The following GVQW3 variants were observed in gnomAD, a reference collection of about 807,000 sequenced individuals.
GVQW3 encodes the protein GVQW motif containing 3.
Under a neutral mutation model 12.5 loss-of-function variants are expected in GVQW3, and 7 were observed. The ratio of observed to expected loss-of-function variants is 0.56; its 90% CI spans 0.32 to 1.05. The LOEUF is 1.05. GVQW3 is among the 50% of genes least tolerant of loss of function. GVQW3 has a pLI of 0.04. For missense variants in GVQW3, 188 were observed against 190.8 expected (o/e 0.99, Z 0.09); for synonymous variants, 71 against 67.2 (o/e 1.06, Z -0.28).
At chr11:76,396,800 A>C (rs999843621) in intron 1 of GVQW3, among the ~76,000 whole-genome samples, 2 of 152,020 alleles carry the variant, frequency 1.3e-5, no homozygotes, top group African/African-American at 4.8e-5. Flanking sequence ...CCACAAGGAA[A>C]CCCCCTACCC....
chr11:76,403,002 C>T (rs1590824672), intron 1 of GVQW3, among the ~76,000 whole-genome samples: 1 of 152,212 alleles, frequency 6.6e-6, no homozygotes, highest in South Asian at 2.1e-4. Flanking sequence ...GGCTGGAGTG[C>T]AGTGGCGCAA....
At chr11:76,411,515 A>G (rs1165115052), downstream of GVQW3, 1 of 152,278 alleles carries the variant, frequency 6.6e-6, no homozygotes, top group Non-Finnish European at 1.5e-5. Flanking sequence ...TGATGGAGAA[A>G]GCAGGGTCTC....
intron 1 of GVQW3, chr11:76,383,689 G>A (rs916992009): frequency 6.6e-6 from 1 of 152,140 alleles, no homozygotes; most frequent in African/African-American, 2.4e-5. Flanking sequence ...TGAGGCAGGA[G>A]AATCTGTTGA....
chr11:76,398,341 T>C (rs1946958601), intron 1 of GVQW3, among the ~76,000 whole-genome samples: 1 of 152,152 alleles, frequency 6.6e-6, no homozygotes, highest in Admixed American at 6.5e-5. Context: ...TCTCACTTTG[T>C]AGCCCAAGCT....
Position 76,403,874 on chromosome 11 carries a change from T to C in GVQW3, c.*116T>C. 1.4e-6 allele frequency: 1 copy of C among 700,730 alleles called. No homozygotes were observed. Among genetic ancestry groups the C allele is most frequent in the Non-Finnish European group, 2.6e-6 (1 of 383,716 alleles). 43.4% of individuals were successfully genotyped at this position (700,730 alleles called of 1,614,324 possible). ...GGCAGGAGAAGATGGATGTCACAGC[T>C]CAAGAAGCGAGAACAAATTTGCCCT... On this transcript the variant is annotated 3_prime_UTR_variant, in exon 2 of 2. Coordinates refer to ENST00000529331, the MANE Select transcript of GVQW3 (RefSeq NM_001347885.2).
At chr11:76,394,774 T>C (rs1375474291) in intron 1 of GVQW3, among the ~76,000 whole-genome samples, 1 of 152,256 alleles carries the variant, frequency 6.6e-6, no homozygotes, top group Non-Finnish European at 1.5e-5. Flanking sequence ...CAAACTGTTC[T>C]CTGTAGTGGA....
At position 76,389,827 on chromosome 11, in the gene GVQW3, C is replaced by T. The variant is rs575549642; in HGVS notation, c.465+7534C>T. 3.9e-5 allele frequency: 6 copies of T among 152,310 alleles called. No homozygotes were observed. The South Asian group carries it at 1.0e-3, about 26-fold the overall frequency. 9.4% of individuals were successfully genotyped at this position (152,310 alleles called of 1,614,324 possible). On this transcript the variant is annotated intron_variant, in intron 1 of 1. Transcript: ENST00000529331. Reference sequence around the variant, plus strand: ...TTTCGATGTGCCAAGTCTACCTCCTCCCATACTGGGACACTCAAGCAACAC... The same window carrying T: ...TTTCGATGTGCCAAGTCTACCTCCTTCCATACTGGGACACTCAAGCAACAC...
rs936177093 is a variant in GVQW3 at position 76,407,163 on chromosome 11, G to T, written c.*3405G>T. On this transcript the variant is annotated 3_prime_UTR_variant, in exon 2 of 2. Coordinates refer to ENST00000529331, the MANE Select transcript of GVQW3 (RefSeq NM_001347885.2). ...GTGAGACATTATGAAAAGGATGCTG[G>T]ACTTGGTAAAGATACAAATGGGCTT... 5 of 152,154 alleles carry T rather than the reference G, an allele frequency of 3.3e-5. No homozygotes were observed. The highest frequency in any genetic ancestry group is 5.9e-5 in the Non-Finnish European group (4 of 68,018). 9.4% of individuals were successfully genotyped at this position (152,154 alleles called of 1,614,324 possible). A position where few individuals can be genotyped will look rare whatever the true frequency, so the allele number is the denominator to read the frequency against.
At chr11:76,394,488 A>G (rs528894146) in intron 1 of GVQW3, among the ~76,000 whole-genome samples, 1 of 152,296 alleles carries the variant, frequency 6.6e-6, no homozygotes, top group Non-Finnish European at 1.5e-5. Context: ...AATGACCTTC[A>G]GTTCTATCCA....
intron 1 of GVQW3, among the ~76,000 whole-genome samples, chr11:76,386,298 T>C (rs1398289957): frequency 6.6e-6 from 1 of 152,230 alleles, no homozygotes; most frequent in Non-Finnish European, 1.5e-5. Context: ...GAATAAAATG[T>C]TCACCAAATC....
chr11:76,389,184 G>A (rs796160257), intron 1 of GVQW3, among the ~76,000 whole-genome samples: 60 of 152,318 alleles, frequency 3.9e-4, no homozygotes, highest in African/African-American at 1.4e-3. Context: ...TGCTTATAGT[G>A]TTAAGTGAAA....
Position 76,406,799 on chromosome 11 carries a change from G to C in GVQW3, c.*3041G>C, listed in dbSNP as rs1947043383. On this transcript the variant is annotated 3_prime_UTR_variant, in exon 2 of 2. Transcript: ENST00000529331. ...CAAGGCGGGTCGATCACGAAGTCAG[G>C]AGATCGAGACCAACCTGGCTAACAC... 6.6e-6 allele frequency: 1 copy of C among 152,192 alleles called. No homozygotes were observed. The highest frequency in any genetic ancestry group is 2.1e-4 in the South Asian group (1 of 4,822). 9.4% of individuals were successfully genotyped at this position (152,192 alleles called of 1,614,324 possible). A position where few individuals can be genotyped will look rare whatever the true frequency, so the allele number is the denominator to read the frequency against.
chr11:76,412,480 G>A (rs1947086019), downstream of GVQW3: 1 of 152,136 alleles, frequency 6.6e-6, no homozygotes. Context: ...TGATCTAAAG[G>A]ACAGAATAAA....
Position 76,404,166 on chromosome 11 carries a change from G to A in GVQW3, c.*408G>A, listed in dbSNP as rs1947017857. On this transcript the variant is annotated 3_prime_UTR_variant, in exon 2 of 2. Transcript: ENST00000529331. ...TTAGACTAGTTAAGTTCAGTAGTGAGAAAGAGGGAAGGAATAGAACGAGGA... is the reference window on the plus strand; with the variant it reads ...TTAGACTAGTTAAGTTCAGTAGTGAAAAAGAGGGAAGGAATAGAACGAGGA... The A allele has an allele frequency of 4.7e-6, 2 of 423,022 alleles. No individual in the cohort carries two copies. Among genetic ancestry groups the A allele is most frequent in the Non-Finnish European group, 8.4e-6 (2 of 238,526 alleles). The allele number at this position is 423,022 out of a possible 1,614,324, so 26.2% of individuals were successfully genotyped here. A position where few individuals can be genotyped will look rare whatever the true frequency, so the allele number is the denominator to read the frequency against.
rs1947041106 is a variant in GVQW3, at chr11:76,406,615, A to AGAAT, written c.*2858_*2861dup. 1 of 152,270 alleles carries AGAAT rather than the reference A, an allele frequency of 6.6e-6. No individual in the cohort carries two copies. The highest frequency in any genetic ancestry group is 2.4e-5 in the African/African-American group (1 of 41,474). The allele number at this position is 152,270 out of a possible 1,614,324, so 9.4% of individuals were successfully genotyped here. On this transcript the variant is annotated 3_prime_UTR_variant, in exon 2 of 2. Transcript: ENST00000529331. ...AAATCAAAAATCATTCCCTGAAAAC[A>AGAAT]GAATCTATTGTAATTTAGATGCAAA...
intron 1 of GVQW3, among the ~76,000 whole-genome samples, chr11:76,390,435 G>C (rs574462252): frequency 6.6e-6 from 1 of 152,328 alleles, no homozygotes; most frequent in Non-Finnish European, 1.5e-5. Flanking sequence ...AATATTTATT[G>C]AGTGCTTATC....
In GVQW3 at chr11:76,381,847, G is replaced by C; in HGVS notation, c.19G>C (p.Glu7Gln). Reference protein sequence around the residue: MSDRYLEQRISIKFCVK... With the variant: MSDRYLQQRISIKFCVK... ...TGCCAGAATGAGTGACCGCTATTTAGAACAAAGGATTAGTATCAAATTTTG... is the reference window on the plus strand; with the variant it reads ...TGCCAGAATGAGTGACCGCTATTTACAACAAAGGATTAGTATCAAATTTTG... Residue 7 changes from glutamate (E) to glutamine (Q), a missense_variant, in exon 1 of 2, where the codon GAA (glutamate) becomes CAA (glutamine). By Grantham distance (29) the Glu-to-Gln change is conservative. Coordinates refer to ENST00000529331, the MANE Select transcript of GVQW3 (RefSeq NM_001347885.2). 6.5e-7 allele frequency: 1 copy of C among 1,533,960 alleles called. No individual in the cohort carries two copies. Among genetic ancestry groups the C allele is most frequent in the Non-Finnish European group, 8.7e-7 (1 of 1,145,770 alleles).
chr11:76,388,261 C>G (rs934054950), intron 1 of GVQW3, among the ~76,000 whole-genome samples: 1 of 152,146 alleles, frequency 6.6e-6, no homozygotes, highest in East Asian at 1.9e-4. Context: ...ACAAAACTCA[C>G]TGAAATGTAT....
At position 76,382,300 on chromosome 11, in the gene GVQW3, G is replaced by C; in HGVS notation, c.465+7G>C. The C allele has an allele frequency of 6.7e-7, 1 of 1,487,644 alleles. No individual in the cohort carries two copies. Among genetic ancestry groups the C allele is most frequent in the Non-Finnish European group, 9.1e-7 (1 of 1,103,052 alleles). The allele number at this position is 1,487,644 out of a possible 1,614,324, so 92.2% of individuals were successfully genotyped here. A position where few individuals can be genotyped will look rare whatever the true frequency, so the allele number is the denominator to read the frequency against. Reference sequence around the variant, plus strand: ...CTCATGTTTGAGGAAAAAGGTAACAGGTTCTGAAACATGGAGTTATCTCCA... The same window carrying C: ...CTCATGTTTGAGGAAAAAGGTAACACGTTCTGAAACATGGAGTTATCTCCA... On this transcript the variant is annotated splice_region_variant and intron_variant, in intron 1 of 1. Coordinates refer to ENST00000529331, the MANE Select transcript of GVQW3 (RefSeq NM_001347885.2).
Sources: gnomAD v4.1 joint callset for allele counts (sites outside exome capture counted in the v4.1 genomes callset) on GRCh38, gnomAD v4.1.1 for gene constraint, MANE v1.5 for transcripts, NCBI Gene and HGNC (gene_info 2026-07-23, HGNC 2026-07-21) for gene names.